Variants in LUZP2 observed in about 807,000 individuals in gnomAD.
LUZP2 encodes the protein leucine zipper protein 2.
A neutral mutation model predicts 51.6 loss-of-function variants in LUZP2; 52 were observed. The observed-to-expected ratio is 1.01, with a 90% CI of 0.81 to 1.27. The LOEUF (loss-of-function observed/expected upper bound fraction) is 1.27, where lower values mean the gene tolerates loss of function less well. LUZP2 is among the 50% of genes most tolerant of loss of function. The pLI, the probability that LUZP2 is intolerant of heterozygous loss-of-function variation, is 0.00. For synonymous variants in LUZP2, 154 were observed against 137.3 expected, an observed-to-expected ratio of 1.12 and a Z score of -0.85; for missense variants, 436 against 395.4, an observed-to-expected ratio of 1.10 and a Z score of -0.87.
At chr11:24,915,376 T>C (rs190040371) in intron 7 of LUZP2, among the ~76,000 whole-genome samples, 25 of 152,150 alleles carry the variant, frequency 1.6e-4, no homozygotes, top group African/African-American at 6.0e-4. Context: ...ATCATGATGG[T>C]CGCTAAAGAT....
At chr11:24,774,332 T>TTCTCTC (rs374302170) in intron 5 of LUZP2, among the ~76,000 whole-genome samples, 1,380 of 41,844 alleles carry the variant, frequency 0.033, 47 homozygotes, top group East Asian at 0.071. Context: ...CTTAGTAAAC[T>TTCTCTC]TCTCTCTCTC....
intron 5 of LUZP2, among the ~76,000 whole-genome samples, chr11:24,812,434 A>G (rs1850049506): frequency 6.6e-6 from 1 of 152,156 alleles, no homozygotes; most frequent in African/African-American, 2.4e-5. Context: ...AACTCAAGCC[A>G]CCTGAAATAT....
At chr11:24,555,148 T>G (rs191830122) in intron 1 of LUZP2, among the ~76,000 whole-genome samples, 27 of 152,148 alleles carry the variant, frequency 1.8e-4, no homozygotes, top group Middle Eastern at 3.4e-3. Context: ...TCGAGAAATA[T>G]TTGATGAAAA....
chr11:24,792,425 C>CA (rs112656980), intron 5 of LUZP2, among the ~76,000 whole-genome samples: 3,156 of 130,786 alleles, frequency 0.024, 56 homozygotes, highest in African/African-American at 0.045. Flanking sequence ...GACTCTGTCT[C>CA]AAAAAAAAAA....
intron 7 of LUZP2, among the ~76,000 whole-genome samples, chr11:24,937,577 A>G (rs1399692356): frequency 6.6e-6 from 1 of 152,210 alleles, no homozygotes; most frequent in Non-Finnish European, 1.5e-5. Context: ...TAGAGTCTAA[A>G]CAATTATTGG....
At chr11:24,551,146 T>C (rs1851713500) in intron 1 of LUZP2, among the ~76,000 whole-genome samples, 1 of 152,058 alleles carries the variant, frequency 6.6e-6, no homozygotes, top group East Asian at 1.9e-4. Flanking sequence ...GTTTGGAAAC[T>C]ATAACATATG....
intron 5 of LUZP2, among the ~76,000 whole-genome samples, chr11:24,896,560 C>T (rs1479723756): frequency 2.0e-5 from 3 of 152,166 alleles, no homozygotes; most frequent in Non-Finnish European, 4.4e-5. Flanking sequence ...GCCTCCCATG[C>T]CCCAGCCTCC....
At chr11:24,762,124 GT>G (rs1406053022) in intron 4 of LUZP2, among the ~76,000 whole-genome samples, 18 of 151,982 alleles carry the variant, frequency 1.2e-4, no homozygotes, top group Non-Finnish European at 2.4e-4. Flanking sequence ...TGTTTGAAAT[GT>G]TTCAGAACTA....
chr11:24,509,333 A>C (rs1477860151), intron 1 of LUZP2, among the ~76,000 whole-genome samples: 4 of 152,046 alleles, frequency 2.6e-5, no homozygotes, highest in Non-Finnish European at 5.9e-5. Flanking sequence ...TGTGAAGTAT[A>C]GTACAGTCAT....
chr11:24,681,018 A>C (rs1401890936), intron 1 of LUZP2, among the ~76,000 whole-genome samples: 1 of 143,948 alleles, frequency 6.9e-6, no homozygotes, highest in African/African-American at 2.6e-5. Flanking sequence ...TCTGTCGCCC[A>C]GGCCGGACTG....
At chr11:24,819,185 G>A (rs1850282826) in intron 5 of LUZP2, among the ~76,000 whole-genome samples, 1 of 152,022 alleles carries the variant, frequency 6.6e-6, no homozygotes. Context: ...AAGTCGTCTA[G>A]CACAGCGTGT....
chr11:24,602,225 T>TGCAA (rs1486513736), intron 1 of LUZP2, among the ~76,000 whole-genome samples: 1 of 40,286 alleles, frequency 2.5e-5, no homozygotes, highest in African/African-American at 6.3e-5. Flanking sequence ...TGTATATATG[T>TGCAA]ACATATATGT....
chr11:25,045,929 A>G (rs1408934257), intron 9 of LUZP2, among the ~76,000 whole-genome samples: 2 of 152,216 alleles, frequency 1.3e-5, no homozygotes, highest in Non-Finnish European at 2.9e-5. Flanking sequence ...TCATAGTATT[A>G]GCAAGAAGAT....
intron 5 of LUZP2, among the ~76,000 whole-genome samples, chr11:24,845,777 G>A (rs1360876731): frequency 6.6e-5 from 10 of 151,912 alleles, no homozygotes; most frequent in Non-Finnish European, 1.0e-4. Flanking sequence ...ATTCATGTAA[G>A]ACATGACCTG....
intron 1 of LUZP2, among the ~76,000 whole-genome samples, chr11:24,663,256 G>A (rs1856082708): frequency 6.6e-6 from 1 of 152,152 alleles, no homozygotes; most frequent in African/African-American, 2.4e-5. Context: ...TTGTGATAGT[G>A]AGTGAGTGCT....
chr11:24,774,362 C>CTCTCTCTCTCTCTCTCTCTCTA (rs776739280), intron 5 of LUZP2, among the ~76,000 whole-genome samples: 48 of 76,332 alleles, frequency 6.3e-4, no homozygotes, highest in African/African-American at 1.8e-3. Flanking sequence ...CTCTCTCTCT[C>CTCTCTCTCTCTCTCTCTCTCTA]TATATATATA....
chr11:25,036,302 G>A (rs1225539537), intron 9 of LUZP2, among the ~76,000 whole-genome samples: 1 of 151,756 alleles, frequency 6.6e-6, no homozygotes, highest in African/African-American at 2.4e-5. Flanking sequence ...TATTTCTGTG[G>A]GATGAGTTGT....
At chr11:24,608,409 G>A (rs566721049) in intron 1 of LUZP2, among the ~76,000 whole-genome samples, 8 of 152,206 alleles carry the variant, frequency 5.3e-5, no homozygotes, top group South Asian at 4.1e-4. Flanking sequence ...ATAATTTAAC[G>A]AACCATGAAT....
chr11:24,747,576 A>G (rs1859426869), intron 4 of LUZP2, among the ~76,000 whole-genome samples: 1 of 152,010 alleles, frequency 6.6e-6, no homozygotes, highest in East Asian at 1.9e-4. Flanking sequence ...GGTAGTATGG[A>G]GACAAACCAA....
Sources: gnomAD v4.1 joint callset for allele counts (sites outside exome capture counted in the v4.1 genomes callset) on GRCh38, gnomAD v4.1.1 for gene constraint, MANE v1.5 for transcripts, NCBI Gene and HGNC (gene_info 2026-07-23, HGNC 2026-07-21) for gene names.